Variants in RPAP2 observed in about 807,000 individuals in gnomAD.
The protein encoded by RPAP2 is RNA polymerase II associated protein 2.
In RPAP2, 52 loss-of-function variants were observed where a neutral mutation model predicts 73.1. The ratio of observed to expected loss-of-function variants is 0.71; its 90% CI spans 0.57 to 0.90. The LOEUF (loss-of-function observed/expected upper bound fraction) is 0.90. RPAP2 is among the 40% of genes least tolerant of loss of function. The pLI, the probability that RPAP2 is intolerant of heterozygous loss-of-function variation, is 0.00. For missense variants in RPAP2, 598 were observed against 701.8 expected, an observed-to-expected ratio of 0.85 and a Z score of 1.67; for synonymous variants, 225 against 242.1, an observed-to-expected ratio of 0.93 and a Z score of 0.65.
intron 6 of RPAP2, among the ~76,000 whole-genome samples, chr1:92,318,149 C>CT (rs531870604): frequency 1.9e-3 from 282 of 152,296 alleles, no homozygotes; most frequent in African/African-American, 6.4e-3. Context: ...ATTGTAGATT[C>CT]TTTCTCCCTT....
intron 11 of RPAP2, among the ~76,000 whole-genome samples, chr1:92,367,021 A>G (rs747697992): frequency 3.3e-5 from 5 of 152,242 alleles, no homozygotes; most frequent in Non-Finnish European, 7.3e-5. Context: ...TGTTACTGCC[A>G]TGCAGGAAGA....
Position 92,395,680 on chromosome 1 carries a change from G to A in RPAP2, c.*8669G>A. ...AAAATTAATTGAAAAATCACAGACT[G>A]GGAGAAAATATTTTCAAACCATAAT... On this transcript the variant is annotated 3_prime_UTR_variant, in exon 13 of 13. Transcript: ENST00000610020. 1 of 151,444 alleles carries A rather than the reference G, an allele frequency of 6.6e-6. No individual in the cohort carries two copies. Among genetic ancestry groups the A allele is most frequent in the East Asian group, 1.9e-4 (1 of 5,242 alleles). 9.4% of individuals were successfully genotyped at this position (151,444 alleles called of 1,614,324 possible).
In RPAP2 at chr1:92,396,119, C is replaced by T. The variant is rs1656176549; in HGVS notation, c.*9108C>T. ...AAGAGAAGTGGAAATGTGTTCACAT[C>T]AAGACTCGTAGGCAAATGTTCATAG... On this transcript the variant is annotated 3_prime_UTR_variant, in exon 13 of 13. Transcript: ENST00000610020. 6.6e-6 allele frequency: 1 copy of T among 151,784 alleles called. No individual in the cohort carries two copies. Among genetic ancestry groups the T allele is most frequent in the Admixed American group, 6.6e-5 (1 of 15,232 alleles). 9.4% of individuals were successfully genotyped at this position (151,784 alleles called of 1,614,324 possible).
In RPAP2 at chr1:92,323,878, A is replaced by G. The variant is rs897255536; in HGVS notation, c.958A>G (p.Ser320Gly). 2.5e-6 allele frequency: 4 copies of G among 1,614,014 alleles called. No individual in the cohort carries two copies. Among genetic ancestry groups the G allele is most frequent in the African/African-American group, 2.7e-5 (2 of 74,944 alleles). ...KASENSESEY[S>G]RSEITLVGIS... Reference sequence around the variant, plus strand: ...GTCAGAAAATTCTGAAAGTGAATACAGTAGGTCAGAAATAACTCTAGTAGG... The same window carrying G: ...GTCAGAAAATTCTGAAAGTGAATACGGTAGGTCAGAAATAACTCTAGTAGG... Residue 320 changes from serine (S) to glycine (G), a missense_variant, in exon 8 of 13, where the codon AGT (serine) becomes GGT (glycine). Physicochemically the swap from Ser to Gly is moderately conservative, Grantham distance 56 (BLOSUM62 0). This residue lies in a region of RPAP2 where 506 missense variants were observed against 612.8 expected (regional missense o/e 0.83). Coordinates refer to ENST00000610020, the MANE Select transcript of RPAP2 (RefSeq NM_024813.3).
intron 8 of RPAP2, among the ~76,000 whole-genome samples, chr1:92,331,099 T>C (rs1027959075): frequency 6.6e-6 from 1 of 152,214 alleles, no homozygotes; most frequent in African/African-American, 2.4e-5. Context: ...ATTTCTACTT[T>C]TATTTCTGCA....
At chr1:92,322,121 T>G (rs1461119730) in intron 7 of RPAP2, among the ~76,000 whole-genome samples, 1 of 151,688 alleles carries the variant, frequency 6.6e-6, no homozygotes. Context: ...AATTTTTGTA[T>G]TTTTAGTAGA....
chr1:92,354,730 A>G (rs1224852448), intron 11 of RPAP2, among the ~76,000 whole-genome samples: 1 of 152,074 alleles, frequency 6.6e-6, no homozygotes, highest in East Asian at 1.9e-4. Flanking sequence ...TGGAAAGTTC[A>G]TAGTGACATA....
At chr1:92,301,337 A>C (rs1387519128) in intron 2 of RPAP2, 139 bp from the exon 3 acceptor site, 1 of 357,006 alleles carries the variant, frequency 2.8e-6, no homozygotes, top group East Asian at 5.1e-5. Flanking sequence ...AAAGAAATAA[A>C]TATTTTTATT....
Position 92,389,494 on chromosome 1 carries a change from G to A in RPAP2, c.*2483G>A, listed in dbSNP as rs530995273. 5.9e-5 allele frequency: 9 copies of A among 152,294 alleles called. No homozygotes were observed. The South Asian group carries it at 8.3e-4, about 14-fold the overall frequency. The allele number at this position is 152,294 out of a possible 1,614,324, so 9.4% of individuals were successfully genotyped here. On this transcript the variant is annotated 3_prime_UTR_variant, in exon 13 of 13. Coordinates refer to ENST00000610020, the MANE Select transcript of RPAP2 (RefSeq NM_024813.3). Reference sequence around the variant, plus strand: ...ACCAGAATGCCTCTTCTCCTCCAAAGGAACACAACTCCTTGCCAGCAAGGG... The same window carrying A: ...ACCAGAATGCCTCTTCTCCTCCAAAAGAACACAACTCCTTGCCAGCAAGGG...
At chr1:92,350,551 T>G (rs1001751404) in intron 11 of RPAP2, among the ~76,000 whole-genome samples, 1 of 152,222 alleles carries the variant, frequency 6.6e-6, no homozygotes, top group Non-Finnish European at 1.5e-5. Context: ...TTGAACCTGA[T>G]TTTCTTAACT....
intron 11 of RPAP2, among the ~76,000 whole-genome samples, chr1:92,365,059 C>CTTAT (rs1654882972): frequency 6.6e-6 from 1 of 152,276 alleles, no homozygotes; most frequent in African/African-American, 2.4e-5. Flanking sequence ...ATGCTTGAAA[C>CTTAT]TTATTTTCTT....
chr1:92,326,177 C>T (rs373195315), intron 8 of RPAP2, among the ~76,000 whole-genome samples: 3 of 151,736 alleles, frequency 2.0e-5, no homozygotes, highest in Admixed American at 6.6e-5. Context: ...ATTCCATGTC[C>T]TCCCTGGTAC....
rs545050713 is a variant in RPAP2, at chr1:92,370,476, A to T, written c.1689-10248A>T. 2.2e-3 allele frequency among the ~76,000 whole-genome samples: 332 copies of T among 152,320 alleles called. 2 individuals are homozygous for T. The highest frequency in any genetic ancestry group is 9.3e-3 in the South Asian group (45 of 4,830). The stretch of plus-strand genomic sequence containing the variant: ...TCGTACCCCCCCACCAAAAACACCC[A>T]CAAAAGTTCCATGAAGAAGAAAATA... On this transcript the variant is annotated intron_variant, in intron 11 of 12. Coordinates refer to ENST00000610020, the MANE Select transcript of RPAP2 (RefSeq NM_024813.3).
chr1:92,373,739 T>TAAAAA (rs59586077), intron 11 of RPAP2, among the ~76,000 whole-genome samples: 137 of 80,536 alleles, frequency 1.7e-3, no homozygotes, highest in Non-Finnish European at 2.9e-3. Context: ...CTACTAAAAA[T>TAAAAA]AAAAAAAAAA....
At chr1:92,352,743 A>G (rs1311744776) in intron 11 of RPAP2, among the ~76,000 whole-genome samples, 4 of 152,352 alleles carry the variant, frequency 2.6e-5, no homozygotes, top group Non-Finnish European at 4.4e-5. Flanking sequence ...CAAAATATAC[A>G]ATTCACTGGT....
Position 92,380,730 on chromosome 1 carries a change from C to G in RPAP2, c.1695C>G (p.Thr565=), listed in dbSNP as rs764243167. ...GTATTTTTGGTTGTTTCAGACTGAC[C>G]CCAATTCTTGGCATTCAGAAACATT... ...LIAMVLLSLL[T]PILGIQKHSQ... is the part of the protein sequence containing the mutation. The change falls in exon 12 of 13, where the codon ACC becomes ACG. Residue 565 remains threonine (T), a synonymous_variant. Coordinates refer to ENST00000610020, the MANE Select transcript of RPAP2 (RefSeq NM_024813.3). The G allele has an allele frequency of 8.2e-6, 13 of 1,582,344 alleles. No homozygotes were observed. The highest frequency in any genetic ancestry group is 1.4e-5 in the African/African-American group (1 of 72,714).
At chr1:92,302,306 A>G (rs1173487566) in intron 3 of RPAP2, among the ~76,000 whole-genome samples, 2 of 151,570 alleles carry the variant, frequency 1.3e-5, no homozygotes, top group African/African-American at 4.9e-5. Context: ...ATAAATGGGA[A>G]AAAAGAAAAA....
Position 92,304,004 on chromosome 1 carries a change from A to T in RPAP2, c.262A>T (p.Ser88Cys). The T allele has an allele frequency of 1.2e-6, 2 of 1,612,600 alleles. No individual in the cohort carries two copies. The highest frequency in any genetic ancestry group is 1.7e-6 in the Non-Finnish European group (2 of 1,179,250). ...GAGGTTCATTACACCTGCTCACTAC[A>T]GTGATGTCGTGGATGAACGTTCTAT... ...CGRFITPAHY[S>C]DVVDERSIVK... Residue 88 changes from serine to cysteine, a missense_variant, in exon 4 of 13, where the codon AGT (serine) becomes TGT (cysteine). Physicochemically the swap from Ser to Cys is moderately radical, Grantham distance 112. Transcript: ENST00000610020.
At position 92,340,648 on chromosome 1, in the gene RPAP2, GC is replaced by G. The variant is rs531283511; in HGVS notation, c.1619+4227del. Among the ~76,000 whole-genome samples the G allele has an allele frequency of 2.5e-3, 381 of 152,236 alleles. 3 individuals carry two copies. The highest frequency in any genetic ancestry group is 9.1e-3 in the South Asian group (44 of 4,824). On this transcript the variant is annotated intron_variant, in intron 10 of 12. Coordinates refer to ENST00000610020, the MANE Select transcript of RPAP2 (RefSeq NM_024813.3). ...GCTCAGACATTAGTATTTTCTAAAA[GC>G]CCCCCTTAGATAATTCTAATAGGTA...
Sources: allele counts gnomAD v4.1 joint callset (sites outside exome capture counted in the v4.1 genomes callset), GRCh38; gene constraint gnomAD v4.1.1; regional missense constraint gnomAD v4.1.1; transcripts MANE v1.5; gene names NCBI Gene and HGNC (gene_info 2026-07-23, HGNC 2026-07-21).